Variants in KLHL26 observed in about 807,000 individuals in gnomAD.
KLHL26 encodes kelch-like protein 26.
Under a neutral mutation model 7.1 loss-of-function variants are expected in KLHL26, and 4 were observed. The ratio of observed to expected loss-of-function variants is 0.56; its 90% CI spans 0.28 to 1.28. The LOEUF is 1.28. KLHL26 is among the 50% of genes most tolerant of loss of function. The pLI is 0.11. For missense variants in KLHL26, 896 were observed against 924.6 expected (o/e 0.97, Z 0.40); for synonymous variants, 465 against 414.1 (o/e 1.12, Z -1.49).
chr19:18,663,828 G>C (rs867132539), intron 1 of KLHL26, among the ~76,000 whole-genome samples: 7 of 146,398 alleles, frequency 4.8e-5, no homozygotes, highest in Admixed American at 1.4e-4. Flanking sequence ...CAGAGGGCTC[G>C]TATACTCTGG....
chr19:18,642,338 AGTGTGTGTGT>A lies in KLHL26; in HGVS notation c.83+5236_83+5245del, dbSNP rs1204260630. 1.9e-4 allele frequency among the ~76,000 whole-genome samples: 23 copies of A among 123,886 alleles called. No individual in the cohort carries two copies. The East Asian group carries it at 3.2e-3, about 17-fold the overall frequency. The allele number at this position is 123,886 out of a possible 152,430, so 81.3% of individuals were successfully genotyped here. On this transcript the variant is annotated intron_variant, in intron 1 of 2. Transcript: ENST00000300976. Reference sequence around the variant, plus strand: ...CCCAGGACACTTTTGCTAGTCACCTAGTGTGTGTGTGTGTGTGTGTGTGTGTGTGTGTGTG... The same window carrying A: ...CCCAGGACACTTTTGCTAGTCACCTAGTGTGTGTGTGTGTGTGTGTGTGTG...
In KLHL26 at chr19:18,669,470, CAT is replaced by C. The variant is rs529323307; in HGVS notation, c.*226_*227del. 20 of 578,116 alleles carry C rather than the reference CAT, an allele frequency of 3.5e-5. 1 individual carries two copies. The highest frequency in any genetic ancestry group is 2.2e-4 in the South Asian group (10 of 45,894). 35.8% of individuals were successfully genotyped at this position (578,116 alleles called of 1,614,324 possible). On this transcript the variant is annotated 3_prime_UTR_variant, in exon 3 of 3. Transcript: ENST00000300976. ...GGGAGCCTGCCGGCAAAGCGTCTGA[CAT>C]GTGGTGGCAGCAAATTCGTCCCCGG... is the stretch of plus-strand genomic sequence containing the variant.
intron 1 of KLHL26, among the ~76,000 whole-genome samples, chr19:18,657,997 A>C (rs2052351635): frequency 6.6e-6 from 1 of 151,002 alleles, no homozygotes; most frequent in African/African-American, 2.4e-5. Context: ...CCATGGCAAC[A>C]GTACTGGGGG....
intron 1 of KLHL26, among the ~76,000 whole-genome samples, chr19:18,640,587 C>T (rs370929865): frequency 2.7e-4 from 32 of 118,304 alleles, no homozygotes; most frequent in African/African-American, 1.0e-3. Flanking sequence ...GAGATGGAGT[C>T]TCTCTCTGTT....
chr19:18,662,466 G>C (rs925219181), intron 1 of KLHL26, among the ~76,000 whole-genome samples: 2 of 152,122 alleles, frequency 1.3e-5, no homozygotes, highest in Non-Finnish European at 2.9e-5. Context: ...GGCCTACTTC[G>C]TCTCATTTAC....
chr19:18,639,810 G>A (rs184293845), intron 1 of KLHL26, among the ~76,000 whole-genome samples: 12 of 152,076 alleles, frequency 7.9e-5, no homozygotes, highest in East Asian at 7.7e-4. Flanking sequence ...CCCCAAGCTC[G>A]TCTGCAATTA....
At chr19:18,653,877 C>T (rs867980822) in intron 1 of KLHL26, among the ~76,000 whole-genome samples, 3 of 68,456 alleles carry the variant, frequency 4.4e-5, no homozygotes, top group African/African-American at 2.0e-4. Flanking sequence ...TGCACCCATC[C>T]ACCCACCCTT....
chr19:18,669,611 G>A lies in KLHL26; in HGVS notation c.*366G>A, dbSNP rs1203532380. 2 of 470,190 alleles carry A rather than the reference G, an allele frequency of 4.3e-6. No individual in the cohort carries two copies. Among genetic ancestry groups the A allele is most frequent in the East Asian group, 6.8e-5 (2 of 29,330 alleles). 29.1% of individuals were successfully genotyped at this position (470,190 alleles called of 1,614,324 possible). ...CTTCTCTACTGCCTCCCAGCCCCAC[G>A]GTTTCAGGCATTCAGATGTGAGCTC... On this transcript the variant is annotated 3_prime_UTR_variant, in exon 3 of 3. Coordinates refer to ENST00000300976, the MANE Select transcript of KLHL26 (RefSeq NM_018316.3).
chr19:18,667,431 C>A (rs1021198311), intron 2 of KLHL26: 1 of 613,306 alleles, frequency 1.6e-6, no homozygotes. Flanking sequence ...GTCTCGATCT[C>A]CTGATCTCAT....
chr19:18,663,171 C>A (rs767379123), intron 1 of KLHL26, among the ~76,000 whole-genome samples: 1 of 152,242 alleles, frequency 6.6e-6, no homozygotes, highest in African/African-American at 2.4e-5. Context: ...ATGTCCCCAC[C>A]CTCTAGGACA....
chr19:18,640,272 T>A (rs1976689808), intron 1 of KLHL26, among the ~76,000 whole-genome samples: 1 of 152,262 alleles, frequency 6.6e-6, no homozygotes. Flanking sequence ...TCTCACTCTG[T>A]TGCCCAGGCT....
chr19:18,664,433 G>C lies in KLHL26; in HGVS notation c.256G>C (p.Asp86His), dbSNP rs752461758. ...AHKVVLAACS[D>H]YFRAMFTGGM... is the part of the protein sequence containing the mutation. ...CAAGGTCGTCCTGGCTGCCTGCAGC[G>C]ACTACTTCAGGTAAGTGCTGGCCCC... Residue 86 changes from aspartate to histidine, a missense_variant, in exon 2 of 3, where the codon GAC becomes CAC. By Grantham distance (81) the Asp-to-His change is moderately conservative. Coordinates refer to ENST00000300976, the MANE Select transcript of KLHL26 (RefSeq NM_018316.3). 1 of 1,583,156 alleles carries C rather than the reference G, an allele frequency of 6.3e-7. No homozygotes were observed. The highest frequency in any genetic ancestry group is 8.6e-7 in the Non-Finnish European group (1 of 1,164,934).
At chr19:18,653,037 CT>C (rs1431764429) in intron 1 of KLHL26, among the ~76,000 whole-genome samples, 1 of 152,066 alleles carries the variant, frequency 6.6e-6, no homozygotes, top group East Asian at 1.9e-4. Context: ...GCTTTTTGGC[CT>C]TTTCATGGTC....
chr19:18,660,474 C>T (rs543377605), intron 1 of KLHL26, among the ~76,000 whole-genome samples: 13 of 152,336 alleles, frequency 8.5e-5, no homozygotes, highest in South Asian at 4.1e-4. Flanking sequence ...TCTGGAGACT[C>T]GGACCGGCTC....
intron 1 of KLHL26, among the ~76,000 whole-genome samples, chr19:18,660,369 C>T (rs372390639): frequency 1.1e-4 from 16 of 152,342 alleles, no homozygotes; most frequent in South Asian, 4.1e-4. Context: ...GCAGCCAGGG[C>T]GGGCAGCAAT....
intron 1 of KLHL26, among the ~76,000 whole-genome samples, chr19:18,640,749 G>T (rs189004288): frequency 2.0e-5 from 3 of 151,520 alleles, no homozygotes; most frequent in Admixed American, 6.6e-5. Flanking sequence ...ATGTTGGCCA[G>T]ACTGGTCTTG....
At chr19:18,637,368 C>G (rs546797184) in intron 1 of KLHL26, among the ~76,000 whole-genome samples, 20 of 152,146 alleles carry the variant, frequency 1.3e-4, no homozygotes, top group African/African-American at 4.6e-4. Context: ...GCAGGCGGCC[C>G]TAGGGACCTG....
Position 18,646,878 on chromosome 19 carries a change from A to AGAGT in KLHL26, c.83+9742_83+9745dup, listed in dbSNP as rs1976811300. On this transcript the variant is annotated intron_variant, in intron 1 of 2. Coordinates refer to ENST00000300976, the MANE Select transcript of KLHL26 (RefSeq NM_018316.3). The surrounding 1 kb of genome is among the most constrained non-coding windows in gnomAD (Gnocchi z 5.0). ...GAGGGACAGCAGCAGGGGCAGCGAG[A>AGAGT]GAGTAGAGCACGTCCAGCGTGAGCT... Among the ~76,000 whole-genome samples the AGAGT allele has an allele frequency of 6.6e-6, 1 of 151,414 alleles. No individual in the cohort carries two copies. Among genetic ancestry groups the AGAGT allele is most frequent in the South Asian group, 2.1e-4 (1 of 4,772 alleles).
intron 1 of KLHL26, among the ~76,000 whole-genome samples, chr19:18,647,756 G>C (rs529523452): frequency 6.6e-6 from 1 of 152,282 alleles, no homozygotes; most frequent in East Asian, 1.9e-4. Context: ...CTTGGATCCT[G>C]GAAGAAGGGG....
Sources: gnomAD v4.1 joint callset for allele counts (sites outside exome capture counted in the v4.1 genomes callset) on GRCh38, gnomAD v4.1.1 for gene constraint, Gnocchi (gnomAD v3.1) non-coding constraint, MANE v1.5 for transcripts, NCBI Gene and HGNC (gene_info 2026-07-23, HGNC 2026-07-21) for gene names.